Variants in MECOM observed in about 807,000 individuals in gnomAD.
The protein encoded by MECOM is histone-lysine N-methyltransferase MECOM.
MECOM carries 13 observed loss-of-function variants against 116.3 expected under a neutral mutation model. That is an observed-to-expected ratio of 0.11 (90% CI 0.07 to 0.18). The LOEUF is 0.18. Ranked by LOEUF, MECOM falls within the 10% of genes least tolerant of loss-of-function variation. The pLI, the probability that MECOM is intolerant of heterozygous loss-of-function variation, is 1.00. For synonymous variants in MECOM, 528 were observed against 535.2 expected (o/e 0.99, Z 0.19); for missense variants, 1,299 against 1,509.0 (o/e 0.86, Z 2.31).
intron 1 of MECOM, among the ~76,000 whole-genome samples, chr3:169,655,917 C>A (rs1577314664): frequency 6.6e-6 from 1 of 152,268 alleles, no homozygotes; most frequent in South Asian, 2.1e-4. Flanking sequence ...CACAGCAGCC[C>A]AAGGAGGGTA....
At chr3:169,433,081 T>C (rs1227535071) in intron 1 of MECOM, among the ~76,000 whole-genome samples, 1 of 152,198 alleles carries the variant, frequency 6.6e-6, no homozygotes, top group African/African-American at 2.4e-5. Context: ...TATAAAAGTT[T>C]ATAGAAACGG....
intron 3 of MECOM, among the ~76,000 whole-genome samples, chr3:169,139,751 G>T (rs1170350397): frequency 6.6e-6 from 1 of 151,978 alleles, no homozygotes; most frequent in African/African-American, 2.4e-5. Context: ...GTGGATGGGG[G>T]TCTATGGGTA....
At chr3:169,297,432 C>G (rs993753033) in intron 2 of MECOM, among the ~76,000 whole-genome samples, 1 of 152,114 alleles carries the variant, frequency 6.6e-6, no homozygotes, top group African/African-American at 2.4e-5. Flanking sequence ...TATGTTATTG[C>G]TTTGACATTC....
At position 169,092,866 on chromosome 3, in the gene MECOM, T is replaced by C. The variant is rs878927598; in HGVS notation, c.3164+92A>G. 1.4e-5 allele frequency: 20 copies of C among 1,462,628 alleles called. No individual in the cohort carries two copies. The Admixed American group carries it at 2.6e-4, about 19-fold the overall frequency. 90.6% of individuals were successfully genotyped at this position (1,462,628 alleles called of 1,614,324 possible). A position where few individuals can be genotyped will look rare whatever the true frequency, so the allele number is the denominator to read the frequency against. The stretch of plus-strand genomic sequence containing the variant: ...TACCAGTCTTTGGTGACTGAAGTAA[T>C]AGTAGTGCCACAAAAGTGAGCATAG... On this transcript the variant is annotated intron_variant, in intron 14 of 16. Transcript: ENST00000651503.
rs56270349 is a variant in MECOM, at chr3:169,659,440, A to ATTTTTTTTTTTTTTTT, written c.37+3880_37+3895dup. 1.6e-4 allele frequency among the ~76,000 whole-genome samples: 10 copies of ATTTTTTTTTTTTTTTT among 62,144 alleles called. 2 individuals carry two copies. Among genetic ancestry groups the ATTTTTTTTTTTTTTTT allele is most frequent in the Admixed American group, 8.3e-4 (3 of 3,636 alleles). The allele number at this position is 62,144 out of a possible 152,430, so 40.8% of individuals were successfully genotyped here. ...GTAATTAACCTTCCCCTAAACACAGATTTTTTTTTTTTTTTTTTTTTTTTT... is the reference window on the plus strand; with the variant it reads ...GTAATTAACCTTCCCCTAAACACAGATTTTTTTTTTTTTTTTTTTTTTTTTTTTTTTTTTTTTTTTT... On this transcript the variant is annotated intron_variant, in intron 1 of 16. Coordinates refer to ENST00000651503, the MANE Select transcript of MECOM (RefSeq NM_004991.4).
At chr3:169,230,723 G>A (rs1354155240) in intron 2 of MECOM, among the ~76,000 whole-genome samples, 2 of 152,074 alleles carry the variant, frequency 1.3e-5, no homozygotes, top group Non-Finnish European at 2.9e-5. Context: ...ATGGCCCATG[G>A]TCTGACTTTT....
chr3:169,093,930 T>C (rs1459876336), intron 13 of MECOM, among the ~76,000 whole-genome samples: 1 of 152,178 alleles, frequency 6.6e-6, no homozygotes, highest in Admixed American at 6.5e-5. Flanking sequence ...GAGGTTACAA[T>C]CTTGGTCAAA....
At chr3:169,167,480 A>G (rs1386836722) in intron 2 of MECOM, among the ~76,000 whole-genome samples, 3 of 152,208 alleles carry the variant, frequency 2.0e-5, no homozygotes, top group African/African-American at 4.8e-5. Context: ...ATGGAAGAAA[A>G]GACACCATGG....
At chr3:169,617,664 CTT>C (rs1770182487) in intron 1 of MECOM, among the ~76,000 whole-genome samples, 2 of 152,192 alleles carry the variant, frequency 1.3e-5, no homozygotes, top group African/African-American at 4.8e-5. Flanking sequence ...TGGTTTTTCT[CTT>C]CTTTGAGCAA....
intron 2 of MECOM, among the ~76,000 whole-genome samples, chr3:169,261,711 A>AAGG (rs1314578743): frequency 6.6e-6 from 1 of 150,534 alleles, no homozygotes; most frequent in Admixed American, 6.6e-5. Context: ...CAAGAAGAAG[A>AAGG]AGAAGGAGAA....
Position 169,371,871 on chromosome 3 carries a change from A to G in MECOM, c.375+9316T>C, listed in dbSNP as rs1011683777. ...TTTAATGAATATTCCTGTCTTAGTT[A>G]ACATAGATTGCCTGTTTCAATATGT... On this transcript the variant is annotated intron_variant, in intron 2 of 16. Coordinates refer to ENST00000651503, the MANE Select transcript of MECOM (RefSeq NM_004991.4). 5.7e-4 allele frequency among the ~76,000 whole-genome samples: 86 copies of G among 152,116 alleles called. 1 individual carries two copies. The highest frequency in any genetic ancestry group is 1.9e-3 in the African/African-American group (80 of 41,544).
intron 3 of MECOM, among the ~76,000 whole-genome samples, chr3:169,132,603 C>G (rs1202777160): frequency 1.3e-5 from 2 of 151,996 alleles, no homozygotes; most frequent in Non-Finnish European, 2.9e-5. Flanking sequence ...TTATATTATA[C>G]CACAGTATCT....
At chr3:169,316,502 G>A (rs1216524274) in intron 2 of MECOM, among the ~76,000 whole-genome samples, 1 of 152,182 alleles carries the variant, frequency 6.6e-6, no homozygotes, top group Non-Finnish European at 1.5e-5. Context: ...ATGTCCCACA[G>A]AGAGGAGATC....
intron 1 of MECOM, among the ~76,000 whole-genome samples, chr3:169,485,139 C>T (rs1207160963): frequency 6.6e-6 from 1 of 152,052 alleles, no homozygotes; most frequent in Admixed American, 6.6e-5. Flanking sequence ...GGATTACAGG[C>T]ATGCACCACC....
At chr3:169,538,301 C>T (rs540753045) in intron 1 of MECOM, among the ~76,000 whole-genome samples, 4 of 152,304 alleles carry the variant, frequency 2.6e-5, no homozygotes, top group African/African-American at 4.8e-5. Flanking sequence ...CTACTTTCTT[C>T]GGATTGGGCC....
rs1720265400 is a variant in MECOM, at chr3:169,093,000, T to C, written c.3122A>G (p.Asn1041Ser). Residue 1041 changes from asparagine to serine, a missense_variant, in exon 14 of 17, where the codon AAC becomes AGC. Physicochemically the swap from Asn to Ser is conservative, Grantham distance 46 (BLOSUM62 1). This residue lies in a region of MECOM where 273 missense variants were observed against 289.3 expected (regional missense o/e 0.94). Transcript: ENST00000651503. Reference protein sequence around the residue: ...YFTEIRNFIGNSNHGSQSPRN... With the variant: ...YFTEIRNFIGSSNHGSQSPRN... ...GGGAGATTGGCTGCCATGGTTGCTG[T>C]TCCCAATGAAATTTCGAATTTCTGT... is the stretch of plus-strand genomic sequence containing the variant. The C allele has an allele frequency of 1.9e-6, 3 of 1,613,824 alleles. No homozygotes were observed. The highest frequency in any genetic ancestry group is 1.6e-4 in the Middle Eastern group (1 of 6,062).
At position 169,311,779 on chromosome 3, in the gene MECOM, T is replaced by C. The variant is rs1718821196; in HGVS notation, c.375+69408A>G. On this transcript the variant is annotated intron_variant, in intron 2 of 16. Transcript: ENST00000651503. ...ATGGAGAGCAATATCCTCTTAGAAATACTTTACTAAAAGACAAGCTCATGA... is the reference window on the plus strand; with the variant it reads ...ATGGAGAGCAATATCCTCTTAGAAACACTTTACTAAAAGACAAGCTCATGA... 4.6e-5 allele frequency among the ~76,000 whole-genome samples: 7 copies of C among 152,160 alleles called. No homozygotes were observed. The South Asian group carries it at 1.4e-3, about 32-fold the overall frequency.
At chr3:169,087,475 T>C (rs1424344582) in intron 16 of MECOM, among the ~76,000 whole-genome samples, 1 of 151,850 alleles carries the variant, frequency 6.6e-6, no homozygotes, top group Non-Finnish European at 1.5e-5. Context: ...TGAGTGTCAA[T>C]AGTCCCGGTT....
At chr3:169,178,360 T>C (rs909791119) in intron 2 of MECOM, among the ~76,000 whole-genome samples, 12 of 152,132 alleles carry the variant, frequency 7.9e-5, no homozygotes, top group African/African-American at 2.7e-4. Context: ...AGAGGAGAGA[T>C]ATAATCAGAT....
Sources: allele counts gnomAD v4.1 joint callset (sites outside exome capture counted in the v4.1 genomes callset), GRCh38; gene constraint gnomAD v4.1.1; regional missense constraint gnomAD v4.1.1; transcripts MANE v1.5; gene names NCBI Gene and HGNC (gene_info 2026-07-23, HGNC 2026-07-21).